The following TPRG1 variants were observed in gnomAD, a reference collection of about 807,000 sequenced individuals.
The protein encoded by TPRG1 is tumor protein p63 regulated 1, also known as tumor protein p63-regulated gene 1 protein.
Under a neutral mutation model 29.3 loss-of-function variants are expected in TPRG1, and 29 were observed. That is an observed-to-expected ratio of 0.99 (90% CI 0.74 to 1.35). TPRG1 has a LOEUF of 1.35. TPRG1 is among the 40% of genes most tolerant of loss of function. TPRG1 has a pLI of 0.00. For missense variants in TPRG1, 327 were observed against 335.0 expected (o/e 0.98, Z 0.19); for synonymous variants, 130 against 116.8 (o/e 1.11, Z -0.73).
At chr3:189,267,725 G>C (rs150872025) in intron 4 of TPRG1, 1 of 152,336 alleles carries the variant, frequency 6.6e-6, no homozygotes, top group East Asian at 1.9e-4. Flanking sequence ...GTGTTGAATG[G>C]TAAGATAGGA....
At chr3:189,107,836 A>C (rs2378468) in intron 1 of TPRG1, among the ~76,000 whole-genome samples, 54,304 of 151,932 alleles carry the variant, frequency 0.36, 11,488 homozygotes, top group African/African-American at 0.56. Flanking sequence ...ATTTATTTTT[A>C]TCTCTCTATG....
chr3:189,128,115 T>A (rs1366757090), intron 2 of TPRG1, among the ~76,000 whole-genome samples: 1 of 152,234 alleles, frequency 6.6e-6, no homozygotes, highest in African/African-American at 2.4e-5. Flanking sequence ...AACTTAAAAA[T>A]TTTAAAATAA....
rs542994578 is a variant in TPRG1 at position 189,064,414 on chromosome 3, C to T, written c.-463+40468C>T. Among the ~76,000 whole-genome samples, 14 of 152,060 alleles carry T rather than the reference C, an allele frequency of 9.2e-5. No individual in the cohort carries two copies. The East Asian group carries it at 9.7e-4, about 10-fold the overall frequency. On this transcript the variant is annotated intron_variant, in intron 4 of 10. Coordinates refer to the TPRG1 transcript ENST00000433971. ...GAGCAACTCAGGACAACTGGGTTAACGCTTTCCTGTACACAAGAAAAAAAA... is the reference window on the plus strand; with the variant it reads ...GAGCAACTCAGGACAACTGGGTTAATGCTTTCCTGTACACAAGAAAAAAAA...
chr3:189,256,266 A>G (rs1483416339), intron 4 of TPRG1, among the ~76,000 whole-genome samples: 1 of 152,102 alleles, frequency 6.6e-6, no homozygotes, highest in African/African-American at 2.4e-5. Flanking sequence ...TAATTTCATT[A>G]TTTACCCAGT....
chr3:189,042,274 C>T (rs1714685467), intron 4 of TPRG1, among the ~76,000 whole-genome samples: 1 of 152,040 alleles, frequency 6.6e-6, no homozygotes, highest in Non-Finnish European at 1.5e-5. Context: ...TATTTCTTTT[C>T]CAATTTCAGC....
At chr3:189,208,773 A>G (rs1420885883) in intron 2 of TPRG1, among the ~76,000 whole-genome samples, 2 of 152,252 alleles carry the variant, frequency 1.3e-5, no homozygotes, top group Non-Finnish European at 2.9e-5. Flanking sequence ...AAGGAAATCA[A>G]AGCATCTCTT....
chr3:189,210,996 G>C lies in TPRG1; in HGVS notation c.210+3402G>C, dbSNP rs530501125. 9.2e-5 allele frequency among the ~76,000 whole-genome samples: 14 copies of C among 152,208 alleles called. 1 individual carries two copies. The highest frequency in any genetic ancestry group is 3.4e-4 in the African/African-American group (14 of 41,544). On this transcript the variant is annotated intron_variant, in intron 2 of 5. Transcript: ENST00000345063. Reference sequence around the variant, plus strand: ...GAGGTGGTTTATTGATGAAAAATTAGAAAATGTAAATAAGCAAAGTAAAAT... The same window carrying C: ...GAGGTGGTTTATTGATGAAAAATTACAAAATGTAAATAAGCAAAGTAAAAT...
intron 4 of TPRG1, among the ~76,000 whole-genome samples, chr3:189,088,728 G>A (rs909851626): frequency 2.0e-5 from 3 of 152,124 alleles, no homozygotes; most frequent in Non-Finnish European, 4.4e-5. Flanking sequence ...GAGAGGAGGG[G>A]AAGAGAGAAA....
intron 1 of TPRG1, among the ~76,000 whole-genome samples, chr3:189,112,881 A>G (rs945586202): frequency 6.6e-5 from 10 of 152,062 alleles, no homozygotes; most frequent in African/African-American, 2.4e-4. Context: ...TTCCATATGA[A>G]CTTTAAAGTA....
At chr3:189,118,515 A>C (rs547216927) in intron 1 of TPRG1, among the ~76,000 whole-genome samples, 1 of 152,154 alleles carries the variant, frequency 6.6e-6, no homozygotes, top group Non-Finnish European at 1.5e-5. Context: ...CTTGTCAGAG[A>C]CCTTCACAGC....
chr3:189,181,361 AC>A (rs1187042652), intron 1 of TPRG1, among the ~76,000 whole-genome samples: 1 of 152,160 alleles, frequency 6.6e-6, no homozygotes, highest in Non-Finnish European at 1.5e-5. Flanking sequence ...AATTTCCCAA[AC>A]TTTTATGTTC....
intron 4 of TPRG1, among the ~76,000 whole-genome samples, chr3:189,297,731 C>T (rs1001839697): frequency 2.0e-5 from 3 of 152,102 alleles, no homozygotes; most frequent in Non-Finnish European, 2.9e-5. Context: ...AGGGCTTGTG[C>T]GAGTTTTTCC....
chr3:189,226,173 A>C (rs764631949), intron 3 of TPRG1, among the ~76,000 whole-genome samples: 2 of 152,226 alleles, frequency 1.3e-5, no homozygotes, highest in Non-Finnish European at 2.9e-5. Flanking sequence ...TTTATGGAAC[A>C]CTTCATTCAA....
chr3:189,172,047 A>G lies in TPRG1; in HGVS notation c.-94A>G, dbSNP rs9847957. The G allele has an allele frequency of 0.37, 56,318 of 152,016 alleles. 10,505 individuals are homozygous for G. Among genetic ancestry groups the G allele is most frequent in the South Asian group, 0.52 (2,510 of 4,810 alleles). 9.4% of individuals were successfully genotyped at this position (152,016 alleles called of 1,614,324 possible). On this transcript the variant is annotated 5_prime_UTR_variant, in exon 1 of 6. Transcript: ENST00000345063. ...GTCTTGCCTGGCTTTATCTGAGCCA[A>G]TCACACCTCTCCTGGCCACTATCTG...
chr3:189,074,457 G>A (rs529906562), intron 4 of TPRG1, among the ~76,000 whole-genome samples: 1 of 151,780 alleles, frequency 6.6e-6, no homozygotes, highest in Non-Finnish European at 1.5e-5. Context: ...TGCCCGCGTC[G>A]GCCTCCCAAG....
chr3:189,049,968 C>G (rs991378831), intron 4 of TPRG1, among the ~76,000 whole-genome samples: 1 of 152,130 alleles, frequency 6.6e-6, no homozygotes, highest in African/African-American at 2.4e-5. Context: ...TAAACACCTA[C>G]ATCAAAAAGC....
intron 1 of TPRG1, among the ~76,000 whole-genome samples, chr3:189,104,397 A>G (rs890710184): frequency 1.3e-5 from 2 of 152,100 alleles, no homozygotes; most frequent in African/African-American, 4.8e-5. Context: ...AATTTATTAC[A>G]GCAGATTATC....
chr3:189,295,168 CAA>C (rs1719686587), intron 4 of TPRG1, among the ~76,000 whole-genome samples: 1 of 152,208 alleles, frequency 6.6e-6, no homozygotes, highest in Non-Finnish European at 1.5e-5. Flanking sequence ...GACTTATCCT[CAA>C]ATCAGATGTG....
At chr3:189,147,007 A>G (rs1725352635) in intron 3 of TPRG1, among the ~76,000 whole-genome samples, 1 of 152,304 alleles carries the variant, frequency 6.6e-6, no homozygotes, top group Non-Finnish European at 1.5e-5. Context: ...GTCCACATGT[A>G]TTTTCTCCAT....
Sources: gnomAD v4.1 joint callset for allele counts (sites outside exome capture counted in the v4.1 genomes callset) on GRCh38, gnomAD v4.1.1 for gene constraint, MANE v1.5 for transcripts, NCBI Gene and HGNC (gene_info 2026-07-23, HGNC 2026-07-21) for gene names.